ATXN7: variants seen among roughly 807,000 people sequenced by gnomAD.
ATXN7 encodes the protein ataxin 7.
Under a neutral mutation model 70.5 loss-of-function variants are expected in ATXN7, and 12 were observed. That is an observed-to-expected ratio of 0.17 (90% confidence interval 0.11 to 0.28). The LOEUF (loss-of-function observed/expected upper bound fraction) is 0.28. Among genes scored for constraint, ATXN7 ranks in the 10% least tolerant of loss-of-function variants. ATXN7 has a pLI of 1.00. For synonymous variants in ATXN7, 498 were observed against 448.7 expected (o/e 1.11, Z -1.39); for missense variants, 1,256 against 1,131.7 (o/e 1.11, Z -1.58).
chr3:63,935,258 GA>G (rs2074638740), intron 4 of ATXN7, among the ~76,000 whole-genome samples: 1 of 152,088 alleles, frequency 6.6e-6, no homozygotes, highest in Non-Finnish European at 1.5e-5. Context: ...AAATTATTTG[GA>G]GTGGCTACCA....
At chr3:63,922,654 A>AT (rs1182084070) in intron 4 of ATXN7, among the ~76,000 whole-genome samples, 1 of 152,052 alleles carries the variant, frequency 6.6e-6, no homozygotes, top group Non-Finnish European at 1.5e-5. Flanking sequence ...TACTTACATG[A>AT]TTTTTTTAAT....
chr3:63,893,423 C>G (rs1703346069), intron 1 of ATXN7, among the ~76,000 whole-genome samples: 1 of 152,094 alleles, frequency 6.6e-6, no homozygotes, highest in Admixed American at 6.5e-5. Context: ...CTCAGTGAAG[C>G]CTGGGAGAGA....
At chr3:63,967,137 C>CAG (rs1341763424) in intron 5 of ATXN7, among the ~76,000 whole-genome samples, 1 of 151,948 alleles carries the variant, frequency 6.6e-6, no homozygotes, top group Non-Finnish European at 1.5e-5. Flanking sequence ...GTTGATTGGC[C>CAG]AGAGAGAGGG....
chr3:63,923,882 C>T (rs2107323325), intron 4 of ATXN7, among the ~76,000 whole-genome samples: 1 of 152,168 alleles, frequency 6.6e-6, no homozygotes, highest in East Asian at 1.9e-4. Flanking sequence ...GGAAATAATG[C>T]TGACAAGGTT....
rs1299315888 is a variant in ATXN7 at position 63,912,932 on chromosome 3, C to G, written c.325+9C>G. The G allele has an allele frequency of 6.2e-7, 1 of 1,607,756 alleles. No homozygotes were observed. Among genetic ancestry groups the G allele is most frequent in the African/African-American group, 1.3e-5 (1 of 74,666 alleles). On this transcript the variant is annotated intron_variant, in intron 3 of 12. Transcript: ENST00000674280. ...ACTTCCTGGGAAGGACGGTGAGTGT[C>G]CACGCCCTCCTCCCCCCTTCACCCC...
rs3836528 is a variant in ATXN7 at position 63,931,634 on chromosome 3, AT to A, written c.394+18416del. On this transcript the variant is annotated intron_variant, in intron 4 of 12. Coordinates refer to ENST00000674280, the MANE Select transcript of ATXN7 (RefSeq NM_001377405.1). ...GAGAAAAGGAACATTATTGCCATCTATTTTTTTATTTTTTCAAATACCCTTG... is the reference window on the plus strand; with the variant it reads ...GAGAAAAGGAACATTATTGCCATCTATTTTTTATTTTTTCAAATACCCTTG... Among the ~76,000 whole-genome samples, 799 of 151,974 alleles carry A rather than the reference AT, an allele frequency of 5.3e-3. 15 individuals carry two copies. The highest frequency in any genetic ancestry group is 0.039 in the East Asian group (201 of 5,162).
chr3:63,987,361 C>G (rs977051465), intron 8 of ATXN7, among the ~76,000 whole-genome samples: 5 of 152,116 alleles, frequency 3.3e-5, no homozygotes, highest in Admixed American at 3.3e-4. Context: ...TGTCTGAAGA[C>G]CCAGGGGTGT....
intron 8 of ATXN7, among the ~76,000 whole-genome samples, chr3:63,983,349 A>T (rs1018618320): frequency 5.3e-5 from 8 of 152,244 alleles, no homozygotes; most frequent in Non-Finnish European, 1.0e-4. Flanking sequence ...GCTTTAAATT[A>T]TACTGGCTTA....
chr3:63,892,312 G>A (rs185988088), intron 1 of ATXN7, among the ~76,000 whole-genome samples: 1 of 151,604 alleles, frequency 6.6e-6, no homozygotes, highest in East Asian at 1.9e-4. Context: ...AGACTATTGG[G>A]GAACAAACTC....
chr3:63,938,260 TTC>T (rs1228532157), intron 4 of ATXN7, among the ~76,000 whole-genome samples: 1 of 152,174 alleles, frequency 6.6e-6, no homozygotes, highest in African/African-American at 2.4e-5. Flanking sequence ...GCATGATACT[TTC>T]TTGTGGAAGT....
intron 4 of ATXN7, among the ~76,000 whole-genome samples, chr3:63,949,688 G>A (rs187608942): frequency 3.3e-5 from 5 of 152,262 alleles, no homozygotes; most frequent in Admixed American, 6.5e-5. Flanking sequence ...ATGAGCCACC[G>A]CGCCTGGCCC....
intron 1 of ATXN7, among the ~76,000 whole-genome samples, chr3:63,891,322 CTT>C (rs879316742): frequency 7.1e-6 from 1 of 140,852 alleles, no homozygotes. Context: ...GGCCCCAGCA[CTT>C]TTTTTTTTTT....
At chr3:63,936,461 A>G (rs1359162244) in intron 4 of ATXN7, among the ~76,000 whole-genome samples, 1 of 152,230 alleles carries the variant, frequency 6.6e-6, no homozygotes, top group Non-Finnish European at 1.5e-5. Flanking sequence ...AACCTGCTAT[A>G]AAATCAAGAC....
chr3:63,955,692 C>G (rs2075028070), intron 5 of ATXN7, among the ~76,000 whole-genome samples: 1 of 152,206 alleles, frequency 6.6e-6, no homozygotes, highest in Non-Finnish European at 1.5e-5. Context: ...GAATCTTTCA[C>G]AGTGACTGTT....
intron 5 of ATXN7, among the ~76,000 whole-genome samples, chr3:63,959,261 A>G (rs1321940675): frequency 7.9e-5 from 12 of 152,222 alleles, no homozygotes; most frequent in Non-Finnish European, 1.5e-4. Context: ...CAGTCAGTAT[A>G]AAGACTGAAA....
chr3:63,866,026 A>G lies in ATXN7; in HGVS notation c.-111+1868A>G, dbSNP rs528763925. On this transcript the variant is annotated intron_variant, in intron 1 of 12. Transcript: ENST00000674280. ...TGTCAGTGATTTAAAATAATCTGTA[A>G]TATTTTCATGGGAAAGTATCACTGC... 1.9e-4 allele frequency among the ~76,000 whole-genome samples: 29 copies of G among 151,668 alleles called. No homozygotes were observed. In the South Asian group the frequency reaches 5.2e-3, roughly 27 times the overall value.
rs142446627 is a variant in ATXN7, at chr3:63,870,387, C to T, written c.-111+6229C>T. On this transcript the variant is annotated intron_variant, in intron 1 of 12. Coordinates refer to ENST00000674280, the MANE Select transcript of ATXN7 (RefSeq NM_001377405.1). ...TTGTGGCATTGCCAAGCAACCACCC[C>T]CAACATGTGCACACACACGTATGTG... 3.1e-3 allele frequency among the ~76,000 whole-genome samples: 474 copies of T among 152,248 alleles called. 3 individuals are homozygous for T. The highest frequency in any genetic ancestry group is 0.011 in the African/African-American group (459 of 41,532).
chr3:63,966,401 T>A (rs1479869010), intron 5 of ATXN7, among the ~76,000 whole-genome samples: 1 of 152,182 alleles, frequency 6.6e-6, no homozygotes, highest in Non-Finnish European at 1.5e-5. Context: ...AAAGCTTCAG[T>A]GAATTAACTT....
chr3:63,873,794 C>T (rs1222512022), intron 1 of ATXN7: 4 of 152,364 alleles, frequency 2.6e-5, no homozygotes, highest in Middle Eastern at 3.4e-3. Flanking sequence ...GCGTTGACCT[C>T]CTGGCCTCAA....
Sources: allele counts gnomAD v4.1 joint callset (sites outside exome capture counted in the v4.1 genomes callset), GRCh38; gene constraint gnomAD v4.1.1; transcripts MANE v1.5; gene names NCBI Gene and HGNC (gene_info 2026-07-23, HGNC 2026-07-21).